TSHR: variants seen among roughly 807,000 people sequenced by gnomAD.
TSHR encodes the protein thyroid stimulating hormone receptor.
Under a neutral mutation model 64.1 loss-of-function variants are expected in TSHR, and 51 were observed. The ratio of observed to expected loss-of-function variants is 0.80; its 90% CI spans 0.64 to 1.01. The LOEUF is 1.01. Ranked by LOEUF, TSHR falls within the 50% of genes least tolerant of loss-of-function variation. The pLI, the probability that TSHR is intolerant of heterozygous loss-of-function variation, is 0.00. For missense variants in TSHR, 877 were observed against 942.8 expected (o/e 0.93, Z 0.91); for synonymous variants, 361 against 361.9 (o/e 1.00, Z 0.03).
At chr14:81,033,151 C>G (rs2268470) in intron 1 of TSHR, 96,833 of 383,662 alleles carry the variant, frequency 0.25, 13,092 homozygotes, top group South Asian at 0.31. Flanking sequence ...GCTATGGAAA[C>G]ACTGGAGCAA....
At chr14:81,019,759 T>C (rs1883636573) in intron 1 of TSHR, among the ~76,000 whole-genome samples, 1 of 152,300 alleles carries the variant, frequency 6.6e-6, no homozygotes, top group South Asian at 2.1e-4. Flanking sequence ...GGTTTCCAGC[T>C]TCACCCATGT....
intron 8 of TSHR, among the ~76,000 whole-genome samples, chr14:81,139,201 A>C (rs1392753042): frequency 6.6e-6 from 1 of 152,172 alleles, no homozygotes; most frequent in Non-Finnish European, 1.5e-5. Flanking sequence ...TGAGGTCTGC[A>C]TCATTATCAG....
intron 1 of TSHR, among the ~76,000 whole-genome samples, chr14:80,960,930 G>A (rs1310637043): frequency 6.6e-6 from 1 of 152,218 alleles, no homozygotes; most frequent in Non-Finnish European, 1.5e-5. Flanking sequence ...GACTGTCTAT[G>A]TGCTGCCATC....
intron 8 of TSHR, among the ~76,000 whole-genome samples, chr14:81,114,066 G>A (rs1890353712): frequency 6.6e-6 from 1 of 151,756 alleles, no homozygotes; most frequent in Non-Finnish European, 1.5e-5. Flanking sequence ...ATAGAATATT[G>A]GCAAAATGTA....
chr14:81,144,260 C>T lies in TSHR; in HGVS notation c.2202C>T (p.Asn734=). ...VTHEMRQGLH[N]MEDVYELIEN... The stretch of plus-strand genomic sequence containing the variant: ...ACGAGATGAGGCAGGGTCTCCACAA[C>T]ATGGAAGATGTCTATGAACTGATTG... The change falls in exon 10 of 10, where the codon AAC becomes AAT. Residue 734 remains asparagine, a synonymous_variant. Coordinates refer to ENST00000298171, the MANE Select transcript of TSHR (RefSeq NM_000369.5). 6.2e-7 allele frequency: 1 copy of T among 1,613,946 alleles called. No homozygotes were observed. Among genetic ancestry groups the T allele is most frequent in the South Asian group, 1.1e-5 (1 of 91,064 alleles).
At chr14:81,001,196 C>T in intron 1 of TSHR, 1 of 170,062 alleles carries the variant, frequency 5.9e-6, no homozygotes, top group Non-Finnish European at 1.3e-5. Flanking sequence ...TCTTCAGTTT[C>T]TTTTGAGATA....
At chr14:80,960,088 A>T (rs1483500835) in intron 1 of TSHR, among the ~76,000 whole-genome samples, 2 of 152,248 alleles carry the variant, frequency 1.3e-5, no homozygotes, top group Non-Finnish European at 2.9e-5. Context: ...GTAAGTGTTA[A>T]TAAGTATTAA....
chr14:80,984,187 T>A (rs937338396), intron 1 of TSHR, among the ~76,000 whole-genome samples: 2 of 152,204 alleles, frequency 1.3e-5, no homozygotes, highest in African/African-American at 4.8e-5. Context: ...TTTCTCCTAT[T>A]CCAGCCGTAT....
intron 1 of TSHR, among the ~76,000 whole-genome samples, chr14:80,970,121 T>G (rs1218632899): frequency 6.6e-6 from 1 of 152,208 alleles, no homozygotes; most frequent in Non-Finnish European, 1.5e-5. Context: ...TGTGCCAATC[T>G]GTAAAGCAGA....
chr14:81,135,349 A>G (rs577329566), intron 8 of TSHR, among the ~76,000 whole-genome samples: 1 of 152,236 alleles, frequency 6.6e-6, no homozygotes, highest in Non-Finnish European at 1.5e-5. Context: ...GGAAAGCAAT[A>G]TAAGATCTGT....
At chr14:80,980,063 C>A (rs72693072) in intron 1 of TSHR, among the ~76,000 whole-genome samples, 1 of 151,934 alleles carries the variant, frequency 6.6e-6, no homozygotes, top group Non-Finnish European at 1.5e-5. Context: ...TTACTAGTTT[C>A]CCTCCACTTT....
Position 80,973,375 on chromosome 14 carries a change from A to C in TSHR, c.170+17525A>C, listed in dbSNP as rs1434599097. Among the ~76,000 whole-genome samples, 91 of 133,710 alleles carry C rather than the reference A, an allele frequency of 6.8e-4. 1 individual carries two copies. Among genetic ancestry groups the C allele is most frequent in the Middle Eastern group, 3.8e-3 (1 of 264 alleles). The allele number at this position is 133,710 out of a possible 152,430, so 87.7% of individuals were successfully genotyped here. A position where few individuals can be genotyped will look rare whatever the true frequency, so the allele number is the denominator to read the frequency against. ...GAGCCGAGATCGCGCCACTGCACTCACGCCCGGGTGACAGCGAGACGCTGT... is the reference window on the plus strand; with the variant it reads ...GAGCCGAGATCGCGCCACTGCACTCCCGCCCGGGTGACAGCGAGACGCTGT... On this transcript the variant is annotated intron_variant, in intron 1 of 9. Coordinates refer to ENST00000298171, the MANE Select transcript of TSHR (RefSeq NM_000369.5).
chr14:81,060,460 C>T (rs967758938), intron 1 of TSHR, among the ~76,000 whole-genome samples: 1 of 152,092 alleles, frequency 6.6e-6, no homozygotes, highest in Admixed American at 6.6e-5. Context: ...ATTAAGGCAA[C>T]ATTGGGCTTC....
chr14:81,107,767 C>T (rs1483306203), intron 7 of TSHR, among the ~76,000 whole-genome samples: 1 of 152,126 alleles, frequency 6.6e-6, no homozygotes, highest in Non-Finnish European at 1.5e-5. Flanking sequence ...AGATCAACAA[C>T]AGACAACTTT....
chr14:80,982,256 C>T, intron 1 of TSHR: 4 of 700,878 alleles, frequency 5.7e-6, no homozygotes, highest in Non-Finnish European at 9.3e-6. Flanking sequence ...GATTTCAGTC[C>T]CGAGGCTGGG....
intron 1 of TSHR, among the ~76,000 whole-genome samples, chr14:81,029,407 G>GAAGGGAGA (rs1388465990): frequency 1.3e-5 from 2 of 152,058 alleles, no homozygotes; most frequent in African/African-American, 2.4e-5. Context: ...GCATGATAGT[G>GAAGGGAGA]AAGGGAGAAA....
At chr14:81,101,237 A>C (rs1048884790) in intron 7 of TSHR, among the ~76,000 whole-genome samples, 1 of 152,196 alleles carries the variant, frequency 6.6e-6, no homozygotes, top group Admixed American at 6.5e-5. Flanking sequence ...TAAATTTAAG[A>C]AGGTTTATTC....
chr14:80,983,313 T>C lies in TSHR; in HGVS notation c.170+27463T>C, dbSNP rs1284387968. The C allele has an allele frequency of 2.7e-6, 3 of 1,121,042 alleles. No individual in the cohort carries two copies. The African/African-American group carries it at 4.7e-5, about 18-fold the overall frequency. 69.4% of individuals were successfully genotyped at this position (1,121,042 alleles called of 1,614,324 possible). Reference sequence around the variant, plus strand: ...ACTGACTACTGATTTTGTCCATCACTACATTGTTGCCGGTGACTTTTCAGA... The same window carrying C: ...ACTGACTACTGATTTTGTCCATCACCACATTGTTGCCGGTGACTTTTCAGA... On this transcript the variant is annotated intron_variant, in intron 1 of 9. Coordinates refer to ENST00000298171, the MANE Select transcript of TSHR (RefSeq NM_000369.5).
chr14:81,041,042 G>A (rs917645069), intron 1 of TSHR, among the ~76,000 whole-genome samples: 4 of 152,106 alleles, frequency 2.6e-5, no homozygotes, highest in African/African-American at 9.7e-5. Context: ...TAGAGAAAAA[G>A]GAATGCTTTT....
Sources: gnomAD v4.1 joint callset for allele counts (sites outside exome capture counted in the v4.1 genomes callset) on GRCh38, gnomAD v4.1.1 for gene constraint, MANE v1.5 for transcripts, NCBI Gene and HGNC (gene_info 2026-07-23, HGNC 2026-07-21) for gene names.